Variants in LPP observed in about 807,000 individuals in gnomAD.
The protein encoded by LPP is lipoma-preferred partner.
Under a neutral mutation model 60.4 loss-of-function variants are expected in LPP, and 38 were observed. That is an observed-to-expected ratio of 0.63 (90% CI 0.49 to 0.83). The LOEUF (loss-of-function observed/expected upper bound fraction) is 0.83. Ranked by LOEUF, LPP falls within the 40% of genes least tolerant of loss-of-function variation. The probability of loss-of-function intolerance (pLI) is 0.00; values close to 1 mark genes in which losing one functional copy is unlikely to be tolerated. For missense variants in LPP, 902 were observed against 783.6 expected (o/e 1.15, Z -1.80); for synonymous variants, 328 against 290.8 (o/e 1.13, Z -1.30).
chr3:188,160,283 C>G (rs757923026), intron 1 of LPP, among the ~76,000 whole-genome samples: 2 of 152,042 alleles, frequency 1.3e-5, no homozygotes, highest in African/African-American at 2.4e-5. Context: ...CAACCTCCGC[C>G]TCCCAGGTTC....
chr3:188,319,279 A>AGAG (rs1756230799), intron 2 of LPP, among the ~76,000 whole-genome samples: 1 of 152,204 alleles, frequency 6.6e-6, no homozygotes, highest in Non-Finnish European at 1.5e-5. Context: ...TGGTTTGGGA[A>AGAG]GAGGATTCTC....
At chr3:188,544,618 G>A (rs1164572838) in intron 6 of LPP, among the ~76,000 whole-genome samples, 1 of 128,816 alleles carries the variant, frequency 7.8e-6, no homozygotes, top group Non-Finnish European at 1.6e-5. Flanking sequence ...GTGCTGGAGA[G>A]GATGTGGAGA....
intron 5 of LPP, among the ~76,000 whole-genome samples, chr3:188,491,334 T>C (rs917931754): frequency 1.3e-5 from 2 of 152,298 alleles, no homozygotes; most frequent in African/African-American, 2.4e-5. Context: ...GTAGAGGTAG[T>C]GGACAGTGTT....
chr3:188,457,845 G>C (rs9814889), intron 4 of LPP, among the ~76,000 whole-genome samples: 35,153 of 151,684 alleles, frequency 0.23, 4,056 homozygotes, highest in Middle Eastern at 0.26. Context: ...GGAGGTGGAG[G>C]TTGCAGTGAT....
At chr3:188,457,145 A>G (rs990196332) in intron 4 of LPP, among the ~76,000 whole-genome samples, 1 of 152,218 alleles carries the variant, frequency 6.6e-6, no homozygotes, top group Non-Finnish European at 1.5e-5. Context: ...GGTCCTGCTC[A>G]AAAATGGAGC....
At chr3:188,679,556 T>TGC (rs1560054023) in intron 7 of LPP, among the ~76,000 whole-genome samples, 5 of 114,802 alleles carry the variant, frequency 4.4e-5, no homozygotes, top group Non-Finnish European at 9.4e-5. Context: ...TGTGTGTGTG[T>TGC]GTGTGTGCGC....
intron 6 of LPP, among the ~76,000 whole-genome samples, chr3:188,579,113 A>G (rs557712466): frequency 2.6e-5 from 4 of 152,340 alleles, no homozygotes; most frequent in Non-Finnish European, 5.9e-5. Context: ...AATACCAAAA[A>G]GGGAATGAAG....
chr3:188,686,437 T>C (rs968688887), intron 7 of LPP, among the ~76,000 whole-genome samples: 3 of 152,160 alleles, frequency 2.0e-5, no homozygotes, highest in Non-Finnish European at 4.4e-5. Context: ...AGAAATTTAA[T>C]GGGCATAGAT....
chr3:188,589,567 C>G (rs1156942300), intron 6 of LPP, among the ~76,000 whole-genome samples: 4 of 152,102 alleles, frequency 2.6e-5, no homozygotes. Flanking sequence ...AACTCGAATG[C>G]CAGTATGTCT....
At chr3:188,459,232 A>G (rs920602828) in intron 4 of LPP, among the ~76,000 whole-genome samples, 1 of 152,188 alleles carries the variant, frequency 6.6e-6, no homozygotes, top group Non-Finnish European at 1.5e-5. Flanking sequence ...GGTTGTTTGT[A>G]TACCAAACAT....
chr3:188,616,278 T>C (rs1173837911), intron 7 of LPP, among the ~76,000 whole-genome samples: 1 of 152,104 alleles, frequency 6.6e-6, no homozygotes, highest in Admixed American at 6.6e-5. Context: ...TGTAAGGAAG[T>C]AGTCCAGTTT....
chr3:188,859,558 T>A (rs189921426), intron 9 of LPP, among the ~76,000 whole-genome samples: 75 of 152,342 alleles, frequency 4.9e-4, no homozygotes, highest in Admixed American at 8.5e-4. Context: ...ATCTTCCATC[T>A]CTTCCTCTGT....
At chr3:188,547,528 TGTG>T (rs879695556) in intron 6 of LPP, among the ~76,000 whole-genome samples, 5 of 152,216 alleles carry the variant, frequency 3.3e-5, no homozygotes, top group Non-Finnish European at 7.3e-5. Context: ...AACAGGATCA[TGTG>T]GTAACATTCA....
chr3:188,666,990 C>T (rs1412958820), intron 7 of LPP, among the ~76,000 whole-genome samples: 1 of 152,142 alleles, frequency 6.6e-6, no homozygotes, highest in Non-Finnish European at 1.5e-5. Context: ...CACAGTAAAA[C>T]AGTGATAAAA....
At chr3:188,516,826 G>C (rs969896225) in intron 5 of LPP, among the ~76,000 whole-genome samples, 21 of 151,848 alleles carry the variant, frequency 1.4e-4, no homozygotes, top group African/African-American at 5.1e-4. Flanking sequence ...GGTACAGCCT[G>C]GTAATCTAAG....
intron 4 of LPP, among the ~76,000 whole-genome samples, chr3:188,474,971 G>A (rs1453901357): frequency 3.3e-5 from 5 of 152,194 alleles, no homozygotes; most frequent in Non-Finnish European, 5.9e-5. Flanking sequence ...GGTTCTAGTC[G>A]ATGTGCAGAG....
chr3:188,276,181 G>A (rs760522253), intron 2 of LPP, among the ~76,000 whole-genome samples: 2 of 152,096 alleles, frequency 1.3e-5, no homozygotes, highest in African/African-American at 2.4e-5. Context: ...TTTTTGTCCT[G>A]TGTGTAACCT....
chr3:188,466,200 T>C (rs773267207), intron 4 of LPP, among the ~76,000 whole-genome samples: 1 of 152,136 alleles, frequency 6.6e-6, no homozygotes, highest in Non-Finnish European at 1.5e-5. Context: ...GGCAGTGAGA[T>C]GGGAGAGTCA....
chr3:188,595,331 C>G (rs373576338), intron 6 of LPP, among the ~76,000 whole-genome samples: 1 of 152,184 alleles, frequency 6.6e-6, no homozygotes, highest in African/African-American at 2.4e-5. Context: ...GAATAATAAA[C>G]TAATTCCTCA....
Sources: allele counts gnomAD v4.1 joint callset (sites outside exome capture counted in the v4.1 genomes callset), GRCh38; gene constraint gnomAD v4.1.1; transcripts MANE v1.5; gene names NCBI Gene and HGNC (gene_info 2026-07-23, HGNC 2026-07-21).